Variants in FHOD3 observed in about 807,000 individuals in gnomAD.
FHOD3 encodes FH1/FH2 domain-containing protein 3.
FHOD3 carries 90 observed loss-of-function variants against 173.0 expected under a neutral mutation model. The observed-to-expected ratio is 0.52, with a 90% CI of 0.44 to 0.62. FHOD3 has a LOEUF of 0.62. Among genes scored for constraint, FHOD3 ranks in the 20% least tolerant of loss-of-function variants. The pLI is 0.00. For missense variants in FHOD3, 1,945 were observed against 2,034.7 expected (o/e 0.96, Z 0.85); for synonymous variants, 828 against 823.0 (o/e 1.01, Z -0.10).
At chr18:36,516,364 A>G (rs529309583) in intron 5 of FHOD3, among the ~76,000 whole-genome samples, 1 of 152,256 alleles carries the variant, frequency 6.6e-6, no homozygotes, top group African/African-American at 2.4e-5. Context: ...GTCGGCCATG[A>G]GGTGGGGGGA....
chr18:36,652,387 T>C (rs2036118062), intron 11 of FHOD3, among the ~76,000 whole-genome samples, 183 bp from the exon 12 acceptor site: 1 of 152,264 alleles, frequency 6.6e-6, no homozygotes, highest in African/African-American at 2.4e-5. Context: ...CAGGATTGCT[T>C]GGGCAAACCA....
chr18:36,387,553 T>C (rs756331215), intron 3 of FHOD3, among the ~76,000 whole-genome samples: 30 of 152,216 alleles, frequency 2.0e-4, no homozygotes, highest in Non-Finnish European at 3.7e-4. Flanking sequence ...GTAACTATTA[T>C]GTTAAGTGCT....
intron 19 of FHOD3, among the ~76,000 whole-genome samples, chr18:36,729,671 G>A (rs4371230): frequency 0.4 from 60,469 of 151,966 alleles, 12,581 homozygotes; most frequent in African/African-American, 0.53. Flanking sequence ...CACCAGTCCC[G>A]TCATGAGGAT....
intron 2 of FHOD3, among the ~76,000 whole-genome samples, chr18:36,369,752 G>A (rs1273075826): frequency 6.6e-6 from 1 of 152,030 alleles, no homozygotes; most frequent in Admixed American, 6.6e-5. Flanking sequence ...TTGCATCTTA[G>A]ATTTTCAGTG....
At chr18:36,577,010 T>C (rs890657298) in intron 6 of FHOD3, among the ~76,000 whole-genome samples, 22 of 151,892 alleles carry the variant, frequency 1.4e-4, no homozygotes, top group Non-Finnish European at 8.8e-5. Context: ...GGAGAATCAC[T>C]TGAACCCGGG....
At chr18:36,574,791 G>A (rs2058585127) in intron 5 of FHOD3, among the ~76,000 whole-genome samples, 1 of 151,876 alleles carries the variant, frequency 6.6e-6, no homozygotes, top group Admixed American at 6.6e-5. Context: ...AATTATTTCT[G>A]ATTAGTAGGA....
chr18:36,345,506 A>G (rs1419054235), intron 1 of FHOD3, among the ~76,000 whole-genome samples: 2 of 152,180 alleles, frequency 1.3e-5, no homozygotes, highest in Non-Finnish European at 2.9e-5. Flanking sequence ...TGGCACGATC[A>G]TAGCTGACTG....
At chr18:36,601,115 A>G (rs2148466568) in intron 7 of FHOD3, among the ~76,000 whole-genome samples, 1 of 152,328 alleles carries the variant, frequency 6.6e-6, no homozygotes, top group South Asian at 2.1e-4. Flanking sequence ...TGTGGACTTC[A>G]AAGTAGTTTG....
At chr18:36,299,140 T>C (rs1284108030) in intron 1 of FHOD3, among the ~76,000 whole-genome samples, 1 of 152,206 alleles carries the variant, frequency 6.6e-6, no homozygotes, top group East Asian at 1.9e-4. Context: ...TGGTGGACTT[T>C]AGCAGTGGTA....
At chr18:36,503,905 T>G (rs1016436033) in intron 4 of FHOD3, among the ~76,000 whole-genome samples, 8 of 152,174 alleles carry the variant, frequency 5.3e-5, no homozygotes, top group Non-Finnish European at 1.2e-4. Flanking sequence ...CTTTCTGTTC[T>G]ACACCTTTGC....
chr18:36,514,756 A>G (rs753298056), intron 5 of FHOD3, among the ~76,000 whole-genome samples: 2 of 152,132 alleles, frequency 1.3e-5, no homozygotes, highest in Non-Finnish European at 1.5e-5. Context: ...CATCAGCGCA[A>G]TAGTTTACCT....
At chr18:36,365,255 A>G (rs2046841502) in intron 2 of FHOD3, among the ~76,000 whole-genome samples, 1 of 152,220 alleles carries the variant, frequency 6.6e-6, no homozygotes, top group African/African-American at 2.4e-5. Flanking sequence ...GACAAGAGAA[A>G]AAAATAGTTT....
chr18:36,466,509 C>T (rs971144229), intron 3 of FHOD3, among the ~76,000 whole-genome samples: 37 of 152,084 alleles, frequency 2.4e-4, no homozygotes, highest in Admixed American at 7.2e-4. Context: ...GGAGGTTACA[C>T]GTTGGTTTTG....
chr18:36,337,587 C>T (rs1244350358), intron 1 of FHOD3, among the ~76,000 whole-genome samples: 2 of 152,184 alleles, frequency 1.3e-5, no homozygotes, highest in Non-Finnish European at 2.9e-5. Context: ...GAGACAAGTC[C>T]TAAAGACTTG....
intron 17 of FHOD3, among the ~76,000 whole-genome samples, chr18:36,703,765 G>A (rs1231149881): frequency 2.0e-5 from 3 of 152,122 alleles, no homozygotes; most frequent in Non-Finnish European, 4.4e-5. Flanking sequence ...TCCTCAGGCC[G>A]GCTCGTTCCT....
chr18:36,689,070 T>C (rs2038804170), intron 16 of FHOD3, among the ~76,000 whole-genome samples: 1 of 152,180 alleles, frequency 6.6e-6, no homozygotes. Flanking sequence ...AGGCACGCAT[T>C]TTCCTTTGGT....
intron 10 of FHOD3, among the ~76,000 whole-genome samples, chr18:36,627,990 C>A (rs1056075674): frequency 4.6e-5 from 7 of 152,180 alleles, no homozygotes; most frequent in Admixed American, 3.9e-4. Context: ...TAGCAACATG[C>A]CTTCAGATGC....
At chr18:36,740,507 T>C (rs1460036631) in intron 20 of FHOD3, 149 bp from the exon 21 acceptor site, 6 of 809,986 alleles carry the variant, frequency 7.4e-6, no homozygotes, top group African/African-American at 1.8e-5. Flanking sequence ...GTCAAGTTGC[T>C]TCAAGTATAT....
chr18:36,586,548 G>A (rs1034715797), intron 6 of FHOD3, among the ~76,000 whole-genome samples: 14 of 151,352 alleles, frequency 9.2e-5, no homozygotes, highest in Non-Finnish European at 1.8e-4. Flanking sequence ...GCAGTGGCAC[G>A]ATCTCGGCTC....
Sources: gnomAD v4.1 joint callset for allele counts (sites outside exome capture counted in the v4.1 genomes callset) on GRCh38, gnomAD v4.1.1 for gene constraint, MANE v1.5 for transcripts, NCBI Gene and HGNC (gene_info 2026-07-23, HGNC 2026-07-21) for gene names.